The following NIBAN1 variants were observed in gnomAD, a reference collection of about 807,000 sequenced individuals.
NIBAN1 encodes the protein niban apoptosis regulator 1, also known as protein Niban 1.
A neutral mutation model predicts 75.1 loss-of-function variants in NIBAN1; 81 were observed. The observed-to-expected ratio is 1.08, with a 90% CI of 0.90 to 1.30. The LOEUF is 1.30. Ranked by LOEUF, NIBAN1 falls within the 50% of genes most tolerant of loss-of-function variation. The pLI is 0.00. For synonymous variants in NIBAN1, 436 were observed against 424.8 expected (o/e 1.03, Z -0.32); for missense variants, 1,133 against 1,128.1 (o/e 1.00, Z -0.06).
chr1:184,903,908 T>G (rs1657020150), intron 1 of NIBAN1, among the ~76,000 whole-genome samples: 1 of 151,664 alleles, frequency 6.6e-6, no homozygotes, highest in Non-Finnish European at 1.5e-5. Flanking sequence ...ATTATTTTTT[T>G]TTTTTTAGAC....
intron 5 of NIBAN1, among the ~76,000 whole-genome samples, chr1:184,860,482 T>C (rs1012095796): frequency 2.0e-5 from 3 of 152,218 alleles, no homozygotes; most frequent in Non-Finnish European, 4.4e-5. Context: ...AAAAACTGAA[T>C]ATTATTTATG....
rs1331061313 is a variant in NIBAN1, at chr1:184,794,710, A to G, written c.*267T>C. On this transcript the variant is annotated 3_prime_UTR_variant, in exon 14 of 14. Coordinates refer to ENST00000367511, the MANE Select transcript of NIBAN1 (RefSeq NM_052966.4). ...CCCTGCAATACTATTCCCTCCTCAG[A>G]CATCCTCAGCTCCCTCTCACCCCAA... 1 of 537,350 alleles carries G rather than the reference A, an allele frequency of 1.9e-6. No individual in the cohort carries two copies. The highest frequency in any genetic ancestry group is 1.9e-5 in the African/African-American group (1 of 52,480). 33.3% of individuals were successfully genotyped at this position (537,350 alleles called of 1,614,324 possible).
At chr1:184,969,785 G>C (rs1465351406) in intron 1 of NIBAN1, among the ~76,000 whole-genome samples, 1 of 151,402 alleles carries the variant, frequency 6.6e-6, no homozygotes, top group Non-Finnish European at 1.5e-5. Context: ...TACTGCTTCA[G>C]CCTCCCAAAG....
In NIBAN1 at chr1:184,942,031, C is replaced by G. The variant is rs552489694; in HGVS notation, c.55+32271G>C. On this transcript the variant is annotated intron_variant, in intron 1 of 13. Coordinates refer to ENST00000367511, the MANE Select transcript of NIBAN1 (RefSeq NM_052966.4). The stretch of plus-strand genomic sequence containing the variant: ...CCCAATAACAGAAACTACCTTAAGA[C>G]AATGCATAGTATCATAATTGTGCCT... 3.3e-5 allele frequency among the ~76,000 whole-genome samples: 5 copies of G among 152,248 alleles called. No homozygotes were observed. In the South Asian group the frequency reaches 8.3e-4, roughly 25 times the overall value.
chr1:184,871,980 T>C (rs113730827), intron 5 of NIBAN1, among the ~76,000 whole-genome samples: 133 of 152,162 alleles, frequency 8.7e-4, no homozygotes, highest in African/African-American at 3.1e-3. Context: ...ACACAAATCC[T>C]CTCAGGAACT....
At position 184,795,234 on chromosome 1, in the gene NIBAN1, A is replaced by T; in HGVS notation, c.2530T>A (p.Cys844Ser). 1 of 1,613,872 alleles carries T rather than the reference A, an allele frequency of 6.2e-7. No individual in the cohort carries two copies. Among genetic ancestry groups the T allele is most frequent in the African/African-American group, 1.3e-5 (1 of 75,072 alleles). The change falls in exon 14 of 14, where the codon TGC becomes AGC. Residue 844 changes from cysteine (C) to serine (S), a missense_variant. Physicochemically the swap from Cys to Ser is moderately radical, Grantham distance 112 (BLOSUM62 -1). Coordinates refer to ENST00000367511, the MANE Select transcript of NIBAN1 (RefSeq NM_052966.4). ...EEGDASQQEG[C>S]TLGSDPICLS... is the part of the protein sequence containing the mutation. ...CAGATGGGGTCAGAACCTAAGGTGCAGCCCTCTTGCTGTGAGGCATCCCCT... is the reference window on the plus strand; with the variant it reads ...CAGATGGGGTCAGAACCTAAGGTGCTGCCCTCTTGCTGTGAGGCATCCCCT...
chr1:184,950,153 C>T (rs774001518), intron 1 of NIBAN1, among the ~76,000 whole-genome samples: 1 of 152,094 alleles, frequency 6.6e-6, no homozygotes, highest in Non-Finnish European at 1.5e-5. Context: ...TGCATTCACC[C>T]TGTTCACTAG....
At chr1:184,823,034 G>A (rs1184013017) in intron 8 of NIBAN1, 133 bp downstream of exon 8, 1 of 1,042,042 alleles carries the variant, frequency 9.6e-7, no homozygotes, top group African/African-American at 1.6e-5. Flanking sequence ...GCATGTTCCT[G>A]TTGCAGCTGT....
At chr1:184,930,997 CTTTTT>C (rs200932673) in intron 1 of NIBAN1, among the ~76,000 whole-genome samples, 46 of 114,520 alleles carry the variant, frequency 4.0e-4, no homozygotes, top group African/African-American at 2.1e-3. Flanking sequence ...TTTTCTTCTT[CTTTTT>C]TTTTTTTTTT....
chr1:184,806,862 G>T (rs1654212792), intron 10 of NIBAN1, among the ~76,000 whole-genome samples: 1 of 150,570 alleles, frequency 6.6e-6, no homozygotes, highest in African/African-American at 2.5e-5. Flanking sequence ...TCTGCCTCCA[G>T]GGTTCAAGCG....
Position 184,963,807 on chromosome 1 carries a change from A to G in NIBAN1, c.55+10495T>C, listed in dbSNP as rs186575015. ...GCCATACTAAGGTTTGAAAGACTCA[A>G]TATCATACAGATGTCACTTCTTCCT... On this transcript the variant is annotated intron_variant, in intron 1 of 13. Coordinates refer to ENST00000367511, the MANE Select transcript of NIBAN1 (RefSeq NM_052966.4). Among the ~76,000 whole-genome samples, 533 of 152,322 alleles carry G rather than the reference A, an allele frequency of 3.5e-3. 6 individuals are homozygous for G. The highest frequency in any genetic ancestry group is 0.012 in the African/African-American group (506 of 41,578).
intron 5 of NIBAN1, among the ~76,000 whole-genome samples, chr1:184,865,744 G>C (rs1655939982): frequency 6.6e-6 from 1 of 152,130 alleles, no homozygotes; most frequent in African/African-American, 2.4e-5. Flanking sequence ...TGCTAAGATT[G>C]ATTTTCATTA....
At chr1:184,805,909 C>CT in intron 11 of NIBAN1, 37 bp downstream of exon 11, 1 of 1,548,886 alleles carries the variant, frequency 6.5e-7, no homozygotes, top group Non-Finnish European at 8.9e-7. Flanking sequence ...GTCACGTTCT[C>CT]TTTTTATGCT....
rs776682632 is a variant in NIBAN1, at chr1:184,894,211, A to C, written c.187-5T>G. 2 of 1,595,656 alleles carry C rather than the reference A, an allele frequency of 1.3e-6. No individual in the cohort carries two copies. The highest frequency in any genetic ancestry group is 1.7e-6 in the Non-Finnish European group (2 of 1,173,866). On this transcript the variant is annotated splice_polypyrimidine_tract_variant and splice_region_variant and intron_variant, in intron 2 of 13. Coordinates refer to ENST00000367511, the MANE Select transcript of NIBAN1 (RefSeq NM_052966.4). ...AGTTCCAGGCGCCAATGGTGGCTTA[A>C]AGAAGATGAATACAATTAACTATCA...
intron 1 of NIBAN1, among the ~76,000 whole-genome samples, chr1:184,930,080 A>G (rs181248615): frequency 6.6e-6 from 1 of 152,310 alleles, no homozygotes; most frequent in East Asian, 1.9e-4. Context: ...GGCAGAACAA[A>G]AGCAACCAGC....
At chr1:184,916,918 C>T (rs1393968283) in intron 1 of NIBAN1, among the ~76,000 whole-genome samples, 1 of 152,138 alleles carries the variant, frequency 6.6e-6, no homozygotes, top group African/African-American at 2.4e-5. Context: ...CACTACTTAT[C>T]CTTGATCTCC....
rs139629013 is a variant in NIBAN1 at position 184,829,721 on chromosome 1, C to T, written c.717+2126G>A. On this transcript the variant is annotated intron_variant, in intron 6 of 13. Coordinates refer to ENST00000367511, the MANE Select transcript of NIBAN1 (RefSeq NM_052966.4). ...GGTCTTGTGATCTGCCCGCCTTGGC[C>T]TCCCAAAGTGCTAAGATTACAAGCG... 2.0e-3 allele frequency among the ~76,000 whole-genome samples: 299 copies of T among 152,206 alleles called. 3 individuals are homozygous for T. The highest frequency in any genetic ancestry group is 7.0e-3 in the African/African-American group (290 of 41,542).
chr1:184,915,180 C>G (rs79432097), intron 1 of NIBAN1, among the ~76,000 whole-genome samples: 8,568 of 152,200 alleles, frequency 0.056, 279 homozygotes, highest in Middle Eastern at 0.088. Flanking sequence ...TCCTGAGTTG[C>G]CTGATAAAAA....
intron 1 of NIBAN1, among the ~76,000 whole-genome samples, chr1:184,930,143 C>T (rs1233713038): frequency 1.3e-5 from 2 of 152,170 alleles, no homozygotes. Context: ...TCCAGTTTGC[C>T]GAGCTTTCCT....
Sources: allele counts gnomAD v4.1 joint callset (sites outside exome capture counted in the v4.1 genomes callset), GRCh38; gene constraint gnomAD v4.1.1; transcripts MANE v1.5; gene names NCBI Gene and HGNC (gene_info 2026-07-23, HGNC 2026-07-21).